The following C2CD3 variants were observed in gnomAD, a reference collection of about 807,000 sequenced individuals.
The protein encoded by C2CD3 is C2 domain-containing protein 3.
C2CD3 carries 148 observed loss-of-function variants against 234.0 expected under a neutral mutation model. The ratio of observed to expected loss-of-function variants is 0.63; its 90% confidence interval spans 0.55 to 0.72. The LOEUF is 0.72. C2CD3 is among the 30% of genes least tolerant of loss of function. The probability of loss-of-function intolerance (pLI) is 0.00; values close to 1 mark genes in which losing one functional copy is unlikely to be tolerated. For synonymous variants in C2CD3, 1,000 were observed against 1,035.4 expected, an observed-to-expected ratio of 0.97 and a Z score of 0.66; for missense variants, 2,577 against 2,811.5, an observed-to-expected ratio of 0.92 and a Z score of 1.89.
At chr11:74,013,947 C>T (rs1951785003) in intron 32 of C2CD3, among the ~76,000 whole-genome samples, 1 of 152,130 alleles carries the variant, frequency 6.6e-6, no homozygotes, top group African/African-American at 2.4e-5. Context: ...GGAACATATC[C>T]AACTCTCAGG....
At chr11:74,099,847 G>C (rs936679543) in intron 15 of C2CD3, among the ~76,000 whole-genome samples, 7 of 149,392 alleles carry the variant, frequency 4.7e-5, no homozygotes, top group Admixed American at 2.0e-4. Flanking sequence ...AGTGAGCCGA[G>C]ATCGTGCCAC....
intron 11 of C2CD3, chr11:74,113,397 G>A (rs185613989): frequency 4.5e-6 from 1 of 221,022 alleles, no homozygotes; most frequent in Non-Finnish European, 9.1e-6. Flanking sequence ...TGAAAATATT[G>A]GCTGGGCGTG....
chr11:74,090,797 T>C lies in C2CD3; in HGVS notation c.3641+16A>G, dbSNP rs201792686. The C allele has an allele frequency of 3.7e-5, 60 of 1,614,010 alleles. No individual in the cohort carries two copies. The African/African-American group carries it at 7.3e-4, about 20-fold the overall frequency. Reference sequence around the variant, plus strand: ...GTGTAAAAGGCTTGAGAATTGCTTGTCTCAGGTGGACTTACTTGGCTGCTG... The same window carrying C: ...GTGTAAAAGGCTTGAGAATTGCTTGCCTCAGGTGGACTTACTTGGCTGCTG... On this transcript the variant is annotated intron_variant, in intron 20 of 32. Transcript: ENST00000334126.
chr11:74,157,003 G>C (rs947579033), intron 3 of C2CD3, among the ~76,000 whole-genome samples: 6 of 152,078 alleles, frequency 3.9e-5, no homozygotes, highest in Non-Finnish European at 8.8e-5. Flanking sequence ...ACCTTACCTA[G>C]AACATTGTAC....
chr11:74,069,282 G>A (rs966393650), intron 24 of C2CD3, among the ~76,000 whole-genome samples: 2 of 152,192 alleles, frequency 1.3e-5, no homozygotes, highest in Non-Finnish European at 2.9e-5. Flanking sequence ...CTCTCCTCTT[G>A]TAGGTGGAAA....
At chr11:74,092,046 GTA>G (rs1164549243) in intron 19 of C2CD3, among the ~76,000 whole-genome samples, 3 of 148,898 alleles carry the variant, frequency 2.0e-5, no homozygotes, top group African/African-American at 2.5e-5. Flanking sequence ...GTGTGTGTGT[GTA>G]TATATATATA....
chr11:74,032,834 C>T (rs1388047708), intron 31 of C2CD3, among the ~76,000 whole-genome samples: 5 of 151,060 alleles, frequency 3.3e-5, no homozygotes, highest in African/African-American at 1.2e-4. Context: ...CCTTGTACTC[C>T]AGCTTGGGTG....
chr11:74,034,158 C>T lies in C2CD3; in HGVS notation c.6002G>A (p.Cys2001Tyr). 1 of 1,536,212 alleles carries T rather than the reference C, an allele frequency of 6.5e-7. No individual in the cohort carries two copies. Among genetic ancestry groups the T allele is most frequent in the East Asian group, 2.4e-5 (1 of 40,924 alleles). The change falls in exon 31 of 33, where the codon TGC becomes TAC. Residue 2001 changes from cysteine (C) to tyrosine (Y), a missense_variant. Coordinates refer to ENST00000334126, the MANE Select transcript of C2CD3 (RefSeq NM_001286577.2). The part of the protein sequence containing the change: ...AQDTEALQER[C>Y]TMPDEPLVRA... Reference sequence around the variant, plus strand: ...TACCAATGGCTCATCTGGCATTGTGCATCGTTCTTGCAGTGCTTCTGTGTC... The same window carrying T: ...TACCAATGGCTCATCTGGCATTGTGTATCGTTCTTGCAGTGCTTCTGTGTC...
intron 24 of C2CD3, among the ~76,000 whole-genome samples, chr11:74,068,998 A>C (rs982742355): frequency 6.6e-6 from 1 of 152,078 alleles, no homozygotes; most frequent in African/African-American, 2.4e-5. Flanking sequence ...GGGTTTCACC[A>C]TGTTGGCCAG....
intron 29 of C2CD3, among the ~76,000 whole-genome samples, chr11:74,041,110 T>C (rs1042729858): frequency 6.6e-6 from 1 of 152,106 alleles, no homozygotes; most frequent in Non-Finnish European, 1.5e-5. Context: ...TTCTTTTAAG[T>C]GGTTACATAA....
chr11:74,142,913 G>C (rs560111027), intron 3 of C2CD3, among the ~76,000 whole-genome samples: 2 of 152,168 alleles, frequency 1.3e-5, no homozygotes, highest in East Asian at 1.9e-4. Flanking sequence ...GAGTCCTGTA[G>C]AATTTCTATT....
chr11:74,143,000 T>C (rs569537488), intron 3 of C2CD3, among the ~76,000 whole-genome samples: 11 of 152,306 alleles, frequency 7.2e-5, no homozygotes, highest in African/African-American at 2.2e-4. Flanking sequence ...TCTCTTCCAA[T>C]AGAAACCACC....
Position 74,013,357 on chromosome 11 carries a change from C to G in C2CD3, c.*28G>C. 1 of 751,662 alleles carries G rather than the reference C, an allele frequency of 1.3e-6. No individual in the cohort carries two copies. The highest frequency in any genetic ancestry group is 1.9e-6 in the Non-Finnish European group (1 of 514,000). 46.6% of individuals were successfully genotyped at this position (751,662 alleles called of 1,614,324 possible). On this transcript the variant is annotated 3_prime_UTR_variant, in exon 33 of 33. Coordinates refer to ENST00000334126, the MANE Select transcript of C2CD3 (RefSeq NM_001286577.2). Reference sequence around the variant, plus strand: ...AAGCTGACGGAGGGTGGGCAGGTGTCTCCTTCCCCCCAGCCCCTCAGGCTG... The same window carrying G: ...AAGCTGACGGAGGGTGGGCAGGTGTGTCCTTCCCCCCAGCCCCTCAGGCTG...
Position 74,074,385 on chromosome 11 carries a change from G to A in C2CD3, c.4819C>T (p.Pro1607Ser), listed in dbSNP as rs1291035835. 1.1e-5 allele frequency: 17 copies of A among 1,614,226 alleles called. No individual in the cohort carries two copies. Among genetic ancestry groups the A allele is most frequent in the Non-Finnish European group, 1.4e-5 (16 of 1,180,030 alleles). Residue 1607 changes from proline (P) to serine (S), a missense_variant, in exon 24 of 33, where the codon CCT (proline) becomes TCT (serine). Physicochemically the swap from Pro to Ser is moderately conservative, Grantham distance 74. Transcript: ENST00000334126. ...CTGCAGGGGACCTGGGTGGAGGCAG[G>A]AGACTTCTGGTGGCAGGAGATGACT... The part of the protein sequence containing the change: ...PEVISCHQKS[P>S]ASTQVPCSST...
intron 3 of C2CD3, chr11:74,142,213 AT>A (rs1161584463): frequency 6.6e-6 from 1 of 152,216 alleles, no homozygotes; most frequent in Admixed American, 6.5e-5. Flanking sequence ...TTGTTGGAAC[AT>A]TTGCTGTATC....
chr11:74,105,632 A>G (rs1312103740), intron 13 of C2CD3, among the ~76,000 whole-genome samples: 1 of 152,184 alleles, frequency 6.6e-6, no homozygotes, highest in Non-Finnish European at 1.5e-5. Flanking sequence ...TCTGTCATCT[A>G]AGAAATCCTA....
chr11:74,036,913 G>A (rs987119043), intron 30 of C2CD3, among the ~76,000 whole-genome samples: 2 of 152,146 alleles, frequency 1.3e-5, no homozygotes, highest in African/African-American at 4.8e-5. Flanking sequence ...GCCTGGGCAT[G>A]GGGTTTTTTA....
chr11:74,153,574 T>A (rs1855820425), intron 3 of C2CD3, among the ~76,000 whole-genome samples: 1 of 152,154 alleles, frequency 6.6e-6, no homozygotes, highest in Non-Finnish European at 1.5e-5. Context: ...ATATACCATG[T>A]TCATGGATTG....
chr11:74,085,704 T>A lies in C2CD3; in HGVS notation c.3824A>T (p.His1275Leu). 6.2e-7 allele frequency: 1 copy of A among 1,614,082 alleles called. No homozygotes were observed. Among genetic ancestry groups the A allele is most frequent in the South Asian group, 1.1e-5 (1 of 91,078 alleles). The change falls in exon 21 of 33, where the codon CAC becomes CTC. Residue 1275 changes from histidine (H) to leucine (L), a missense_variant. Physicochemically the swap from His to Leu is moderately conservative, Grantham distance 99. Coordinates refer to ENST00000334126, the MANE Select transcript of C2CD3 (RefSeq NM_001286577.2). ...TAGGAAACAGGCCTCTCCACTACAG[T>A]GCTGAGTCACCAAGTTACATGTGAA... ...VEFTCNLVTQ[H>L]CSGEACFLAE...
Sources: allele counts gnomAD v4.1 joint callset (sites outside exome capture counted in the v4.1 genomes callset), GRCh38; gene constraint gnomAD v4.1.1; transcripts MANE v1.5; gene names NCBI Gene and HGNC (gene_info 2026-07-23, HGNC 2026-07-21).